DSTYK: variants seen among roughly 807,000 people sequenced by gnomAD.
The protein encoded by DSTYK is RIP-homologous kinase.
In DSTYK, 34 loss-of-function variants were observed where a neutral mutation model predicts 98.7. The ratio of observed to expected loss-of-function variants is 0.34; its 90% CI spans 0.26 to 0.46. DSTYK has a LOEUF of 0.46. Among genes scored for constraint, DSTYK ranks in the 20% least tolerant of loss-of-function variants. The pLI, the probability that DSTYK is intolerant of heterozygous loss-of-function variation, is 1.00. For synonymous variants in DSTYK, 462 were observed against 457.3 expected, an observed-to-expected ratio of 1.01 and a Z score of -0.13; for missense variants, 962 against 1,181.7, an observed-to-expected ratio of 0.81 and a Z score of 2.73.
chr1:205,153,891 T>A (rs1657479674), intron 10 of DSTYK, among the ~76,000 whole-genome samples: 1 of 151,396 alleles, frequency 6.6e-6, no homozygotes, highest in Non-Finnish European at 1.5e-5. Context: ...TTTTTGTATT[T>A]TCGGTAGAGA....
At position 205,193,301 on chromosome 1, in the gene DSTYK, A is replaced by G. The variant is rs75049165; in HGVS notation, c.266-5495T>C. On this transcript the variant is annotated intron_variant, in intron 1 of 12. Transcript: ENST00000367162. The stretch of plus-strand genomic sequence containing the variant: ...TGTTTCTGTTGCTAGTGACTCTTTA[A>G]GATACATACTTTATTTAAATTGTTT... Among the ~76,000 whole-genome samples the G allele has an allele frequency of 8.6e-3, 1,309 of 152,304 alleles. 22 individuals carry two copies. Among genetic ancestry groups the G allele is most frequent in the African/African-American group, 0.03 (1,253 of 41,558 alleles).
chr1:205,159,480 G>C, intron 9 of DSTYK, 67 bp downstream of exon 9: 1 of 1,516,248 alleles, frequency 6.6e-7, no homozygotes, highest in Non-Finnish European at 8.9e-7. Context: ...TAATAAACAG[G>C]AGAGGATGAG....
intron 1 of DSTYK, among the ~76,000 whole-genome samples, chr1:205,201,938 G>A (rs2102476966): frequency 6.6e-6 from 1 of 152,118 alleles, no homozygotes; most frequent in African/African-American, 2.4e-5. Flanking sequence ...GCATGCCTGT[G>A]ATCCCAGCTA....
At chr1:205,148,480 G>A (rs1416115827) in intron 11 of DSTYK, 141 bp from the exon 12 acceptor site, 2 of 1,027,694 alleles carry the variant, frequency 1.9e-6, no homozygotes, top group Non-Finnish European at 2.8e-6. Context: ...TGCCAGGTAG[G>A]CAGGGTACAT....
intron 10 of DSTYK, among the ~76,000 whole-genome samples, chr1:205,152,481 C>T (rs1657433641): frequency 6.6e-6 from 1 of 152,164 alleles, no homozygotes; most frequent in South Asian, 2.1e-4. Context: ...CTGGCCAGTC[C>T]ATTATAATCT....
intron 2 of DSTYK, among the ~76,000 whole-genome samples, chr1:205,185,785 A>G (rs1202006374): frequency 6.6e-6 from 1 of 152,160 alleles, no homozygotes; most frequent in Non-Finnish European, 1.5e-5. Flanking sequence ...GCACTTTGGG[A>G]GGTTGAGGTG....
intron 1 of DSTYK, among the ~76,000 whole-genome samples, chr1:205,197,750 T>C (rs971609132): frequency 2.0e-5 from 3 of 152,204 alleles, no homozygotes; most frequent in African/African-American, 7.2e-5. Flanking sequence ...TTGTTCAGAG[T>C]CTGGGGAGTT....
At chr1:205,178,344 C>G (rs2102431062) in intron 2 of DSTYK, among the ~76,000 whole-genome samples, 1 of 152,074 alleles carries the variant, frequency 6.6e-6, no homozygotes, top group Middle Eastern at 3.4e-3. Flanking sequence ...TCTATGCATT[C>G]TACCTAATGG....
chr1:205,166,490 G>C (rs1035706400), intron 3 of DSTYK, among the ~76,000 whole-genome samples: 2 of 151,078 alleles, frequency 1.3e-5, no homozygotes. Flanking sequence ...AAAAAAATCT[G>C]GCTCCATAGA....
chr1:205,145,774 T>C lies in DSTYK; in HGVS notation c.*1784A>G, dbSNP rs1322426396. The stretch of plus-strand genomic sequence containing the variant: ...CTGAACACAGGGGCCAGACCACAGT[T>C]ATTGGGGATTAGGCAGATGGAGGGA... On this transcript the variant is annotated 3_prime_UTR_variant, in exon 13 of 13. Transcript: ENST00000367162. 2 of 152,132 alleles carry C rather than the reference T, an allele frequency of 1.3e-5. No homozygotes were observed. Among genetic ancestry groups the C allele is most frequent in the African/African-American group, 4.8e-5 (2 of 41,422 alleles). 9.4% of individuals were successfully genotyped at this position (152,132 alleles called of 1,614,324 possible).
At chr1:205,162,743 C>CA (rs1657770325) in intron 5 of DSTYK, among the ~76,000 whole-genome samples, 180 bp downstream of exon 5, 1 of 152,066 alleles carries the variant, frequency 6.6e-6, no homozygotes, top group African/African-American at 2.4e-5. Flanking sequence ...TTCAAGGGAA[C>CA]AATGTTAATA....
intron 12 of DSTYK, 138 bp downstream of exon 12, chr1:205,148,067 G>T: frequency 9.6e-7 from 1 of 1,041,704 alleles, no homozygotes; most frequent in Non-Finnish European, 1.4e-6. Context: ...ATCTTTTCTG[G>T]ATTCATGACA....
At chr1:205,184,036 A>G (rs1028070065) in intron 2 of DSTYK, among the ~76,000 whole-genome samples, 9 of 152,120 alleles carry the variant, frequency 5.9e-5, no homozygotes, top group African/African-American at 2.2e-4. Context: ...GAGAGAATAT[A>G]TTTTTTAACT....
At chr1:205,200,185 T>C (rs576298606) in intron 1 of DSTYK, among the ~76,000 whole-genome samples, 126 of 151,918 alleles carry the variant, frequency 8.3e-4, no homozygotes, top group African/African-American at 2.9e-3. Flanking sequence ...TACAGGCGCC[T>C]ACCACCGCGA....
At chr1:205,206,416 AT>A (rs1431306053) in intron 1 of DSTYK, among the ~76,000 whole-genome samples, 3 of 149,442 alleles carry the variant, frequency 2.0e-5, no homozygotes, top group African/African-American at 2.5e-5. Context: ...AGTAGCTGGG[AT>A]TACAGGCATG....
At chr1:205,167,918 A>T (rs1261345700) in intron 3 of DSTYK, among the ~76,000 whole-genome samples, 9 of 152,202 alleles carry the variant, frequency 5.9e-5, no homozygotes, top group Non-Finnish European at 1.2e-4. Flanking sequence ...CCTGGCCAAC[A>T]TGATGAAACC....
At chr1:205,191,745 AAAG>A (rs1658719754) in intron 1 of DSTYK, among the ~76,000 whole-genome samples, 1 of 152,198 alleles carries the variant, frequency 6.6e-6, no homozygotes, top group Admixed American at 6.6e-5. Flanking sequence ...GCAGTTCTCT[AAAG>A]AAGAGATTAA....
intron 1 of DSTYK, among the ~76,000 whole-genome samples, chr1:205,207,755 CAAAAAAAAAAAAAAAAAAAAAAAA>C (rs766036213): frequency 7.6e-5 from 4 of 52,728 alleles, no homozygotes; most frequent in Admixed American, 7.3e-4. Context: ...GACTCTGTCT[CAAAAAAAAAAAAAAAAAAAAAAAA>C]AAAAAAAAAA....
chr1:205,162,787 C>A (rs1657771504), intron 5 of DSTYK, 136 bp downstream of exon 5: 1 of 671,094 alleles, frequency 1.5e-6, no homozygotes, highest in African/African-American at 1.8e-5. Flanking sequence ...CAGAATTCTC[C>A]CAGGCAGGCA....
Sources: gnomAD v4.1 joint callset for allele counts (sites outside exome capture counted in the v4.1 genomes callset) on GRCh38, gnomAD v4.1.1 for gene constraint, MANE v1.5 for transcripts, NCBI Gene and HGNC (gene_info 2026-07-23, HGNC 2026-07-21) for gene names.